Variants in PCDHA8 observed in about 807,000 individuals in gnomAD.
The protein encoded by PCDHA8 is protocadherin alpha 8.
PCDHA8 carries 53 observed loss-of-function variants against 61.8 expected under a neutral mutation model. The ratio of observed to expected loss-of-function variants is 0.86; its 90% CI spans 0.69 to 1.08. PCDHA8 has a LOEUF of 1.08. Ranked by LOEUF, PCDHA8 falls within the 50% of genes least tolerant of loss-of-function variation. The probability of loss-of-function intolerance (pLI) is 0.00; values close to 1 mark genes in which losing one functional copy is unlikely to be tolerated. For synonymous variants in PCDHA8, 618 were observed against 556.6 expected (o/e 1.11, Z -1.55); for missense variants, 1,293 against 1,245.0 (o/e 1.04, Z -0.58).
chr5:140,913,965 A>G (rs1228834396), intron 1 of PCDHA8, among the ~76,000 whole-genome samples: 7 of 152,300 alleles, frequency 4.6e-5, no homozygotes, highest in Admixed American at 2.6e-4. Flanking sequence ...ATTTTTAAAA[A>G]AATATTTTAG....
At chr5:140,999,182 G>T (rs1285087964) in intron 3 of PCDHA8, among the ~76,000 whole-genome samples, 4 of 152,204 alleles carry the variant, frequency 2.6e-5, no homozygotes, top group Non-Finnish European at 5.9e-5. Context: ...CTGATGGGGA[G>T]AGGGTCCTTG....
intron 1 of PCDHA8, among the ~76,000 whole-genome samples, chr5:140,970,537 GT>G (rs111648801): frequency 0.029 from 4,476 of 152,214 alleles, 218 homozygotes; most frequent in African/African-American, 0.1. Flanking sequence ...ATGTGTGTGT[GT>G]TTGTGTTGTG....
At chr5:140,940,809 C>G (rs1308338406) in intron 1 of PCDHA8, among the ~76,000 whole-genome samples, 1 of 152,118 alleles carries the variant, frequency 6.6e-6, no homozygotes, top group Admixed American at 6.5e-5. Flanking sequence ...GCCAGGATAT[C>G]CTGAGATCTT....
In PCDHA8 at chr5:140,884,542, G is replaced by T. The variant is rs1554181706; in HGVS notation, c.2394+40827G>T. 1.9e-6 allele frequency: 3 copies of T among 1,614,126 alleles called. No individual in the cohort carries two copies. In the Admixed American group the frequency reaches 5.0e-5, roughly 27 times the overall value. ...ACTCGCAGCAGAGGCGGCCGAGGGT[G>T]TGCTCTGGGGAGGGCCCGCATAAGA... On this transcript the variant is annotated intron_variant, in intron 1 of 3. Transcript: ENST00000531613.
At chr5:140,870,826 G>T (rs781804523) in intron 1 of PCDHA8, 16 of 1,613,638 alleles carry the variant, frequency 9.9e-6, no homozygotes, top group Non-Finnish European at 1.3e-5. Context: ...CGCGGGAGGC[G>T]CAGTTAACAA....
intron 1 of PCDHA8, among the ~76,000 whole-genome samples, chr5:140,916,610 A>G (rs1002556327): frequency 6.6e-6 from 1 of 152,196 alleles, no homozygotes; most frequent in Non-Finnish European, 1.5e-5. Flanking sequence ...TGCGGGCCTC[A>G]TGACTCTACT....
chr5:140,871,028 C>A (rs782198197), intron 1 of PCDHA8: 2 of 1,613,234 alleles, frequency 1.2e-6, no homozygotes, highest in Non-Finnish European at 1.7e-6. Context: ...GCAGACTCGC[C>A]GCGCCACCGA....
At chr5:140,891,855 C>T (rs1282802499) in intron 1 of PCDHA8, among the ~76,000 whole-genome samples, 1 of 152,156 alleles carries the variant, frequency 6.6e-6, no homozygotes, top group Admixed American at 6.6e-5. Flanking sequence ...GAGCCTGTCC[C>T]TCTCTTATGC....
chr5:140,928,228 C>A (rs376517088), intron 1 of PCDHA8: 2 of 1,614,218 alleles, frequency 1.2e-6, no homozygotes, highest in Admixed American at 1.7e-5. Context: ...ACCAAACTTT[C>A]CTCAACCCCA....
At chr5:140,945,762 G>A (rs570176768) in intron 1 of PCDHA8, among the ~76,000 whole-genome samples, 122 of 152,196 alleles carry the variant, frequency 8.0e-4, no homozygotes, top group South Asian at 2.3e-3. Context: ...ATGGTGGTGG[G>A]ACAATTTGAT....
chr5:140,875,924 A>G (rs782181544), intron 1 of PCDHA8: 5 of 1,613,936 alleles, frequency 3.1e-6, no homozygotes, highest in Non-Finnish European at 4.2e-6. Context: ...CTGGACTCTC[A>G]TTTTCCTCTA....
chr5:140,967,386 T>TA, intron 1 of PCDHA8: 1 of 1,609,114 alleles, frequency 6.2e-7, no homozygotes, highest in Non-Finnish European at 8.5e-7. Context: ...AGTAAAGTGC[T>TA]TGAGCTGGTG....
chr5:140,982,696 A>G lies in PCDHA8; in HGVS notation c.2542+133A>G. ...GTTATTCCCTTTTTTCCATACATAC[A>G]TGATTTCCTTACATATATGATTATT... On this transcript the variant is annotated intron_variant, in intron 3 of 3. Transcript: ENST00000531613. 2.9e-6 allele frequency: 4 copies of G among 1,397,036 alleles called. No individual in the cohort carries two copies. The East Asian group carries it at 7.6e-5, about 27-fold the overall frequency. 86.5% of individuals were successfully genotyped at this position (1,397,036 alleles called of 1,614,324 possible). A position where few individuals can be genotyped will look rare whatever the true frequency, so the allele number is the denominator to read the frequency against.
chr5:140,845,255 G>A (rs1205445149), intron 1 of PCDHA8, among the ~76,000 whole-genome samples: 3 of 149,266 alleles, frequency 2.0e-5, no homozygotes, highest in Non-Finnish European at 4.5e-5. Context: ...TGAATAATAT[G>A]TGTTTTCCTT....
intron 1 of PCDHA8, chr5:140,968,812 T>C (rs782711806): frequency 6.2e-7 from 1 of 1,614,064 alleles, no homozygotes; most frequent in Non-Finnish European, 8.5e-7. Context: ...CTGTGGTGGA[T>C]AGGGTTTCCA....
intron 1 of PCDHA8, among the ~76,000 whole-genome samples, chr5:140,845,905 T>C (rs1299056120): frequency 6.7e-6 from 1 of 149,748 alleles, no homozygotes; most frequent in Non-Finnish European, 1.5e-5. Context: ...TGGCCTTCCA[T>C]ATTAATCTTA....
At chr5:140,884,179 G>A in intron 1 of PCDHA8, 3 of 1,613,460 alleles carry the variant, frequency 1.9e-6, no homozygotes, top group Non-Finnish European at 1.7e-6. Context: ...CGCGCCCTCT[G>A]GACGAGGTGG....
In PCDHA8 at chr5:141,000,416, TATATA is replaced by T. The variant is rs1214257718; in HGVS notation, c.2543-9210_2543-9206del. On this transcript the variant is annotated intron_variant, in intron 3 of 3. Coordinates refer to ENST00000531613, the MANE Select transcript of PCDHA8 (RefSeq NM_018911.3). ...CTCTCTATATATATATATATATATA[TATATA>T]TTTTTTTTTTTTTTTTTTTTTTTGA... 2.1e-3 allele frequency among the ~76,000 whole-genome samples: 195 copies of T among 93,382 alleles called. 1 individual carries two copies. Among genetic ancestry groups the T allele is most frequent in the African/African-American group, 4.2e-3 (94 of 22,362 alleles). 61.3% of individuals were successfully genotyped at this position (93,382 alleles called of 152,430 possible). A position where few individuals can be genotyped will look rare whatever the true frequency, so the allele number is the denominator to read the frequency against.
intron 1 of PCDHA8, among the ~76,000 whole-genome samples, chr5:140,949,671 G>A (rs1316716969): frequency 6.6e-6 from 1 of 151,584 alleles, no homozygotes. Context: ...TTTAAAGTAT[G>A]CCCTTGTTGA....
Sources: allele counts gnomAD v4.1 joint callset (sites outside exome capture counted in the v4.1 genomes callset), GRCh38; gene constraint gnomAD v4.1.1; transcripts MANE v1.5; gene names NCBI Gene and HGNC (gene_info 2026-07-23, HGNC 2026-07-21).